Variants in NEDD4L observed in about 807,000 individuals in gnomAD.
The protein encoded by NEDD4L is NEDD4 like E3 ubiquitin protein ligase.
In NEDD4L, 54 loss-of-function variants were observed where a neutral mutation model predicts 148.9. The observed-to-expected ratio is 0.36, with a 90% CI of 0.29 to 0.45. NEDD4L has a LOEUF of 0.45. NEDD4L is among the 20% of genes least tolerant of loss of function. The pLI is 1.00. For synonymous variants in NEDD4L, 433 were observed against 440.7 expected, an observed-to-expected ratio of 0.98 and a Z score of 0.22; for missense variants, 856 against 1,233.8, an observed-to-expected ratio of 0.69 and a Z score of 4.59.
chr18:58,275,359 T>A (rs2051737479), intron 5 of NEDD4L, among the ~76,000 whole-genome samples: 2 of 152,306 alleles, frequency 1.3e-5, no homozygotes, highest in African/African-American at 4.8e-5. Flanking sequence ...TAGAAAATCC[T>A]TGTATAATAA....
intron 1 of NEDD4L, among the ~76,000 whole-genome samples, chr18:58,160,734 G>A (rs748637870): frequency 6.6e-6 from 1 of 152,172 alleles, no homozygotes; most frequent in Admixed American, 6.5e-5. Flanking sequence ...GAATGACGAT[G>A]GTTGCTTATC....
At chr18:58,285,155 A>G (rs1158572571) in intron 5 of NEDD4L, among the ~76,000 whole-genome samples, 1 of 152,092 alleles carries the variant, frequency 6.6e-6, no homozygotes, top group East Asian at 1.9e-4. Flanking sequence ...CAAATGAAGT[A>G]CTTCCCCTGC....
In NEDD4L at chr18:58,232,918, G is replaced by A. The variant is rs147451683; in HGVS notation, c.123-12509G>A. 4.0e-3 allele frequency among the ~76,000 whole-genome samples: 607 copies of A among 152,278 alleles called. 6 individuals carry two copies. Among genetic ancestry groups the A allele is most frequent in the African/African-American group, 0.014 (578 of 41,548 alleles). On this transcript the variant is annotated intron_variant, in intron 2 of 30. Coordinates refer to ENST00000400345, the MANE Select transcript of NEDD4L (RefSeq NM_001144967.3). Reference sequence around the variant, plus strand: ...GTGTTTTGGACTGCAGGCTGAACGTGGTTGGCAGGGTGGCATGAGGAGGGC... The same window carrying A: ...GTGTTTTGGACTGCAGGCTGAACGTAGTTGGCAGGGTGGCATGAGGAGGGC...
intron 1 of NEDD4L, among the ~76,000 whole-genome samples, chr18:58,163,996 G>A (rs1241092730): frequency 2.0e-5 from 3 of 150,936 alleles, no homozygotes; most frequent in Non-Finnish European, 4.4e-5. Flanking sequence ...ACTTTCTTGC[G>A]CCGTCAGCCA....
intron 1 of NEDD4L, among the ~76,000 whole-genome samples, chr18:58,066,069 T>G (rs1452926145): frequency 6.6e-6 from 1 of 152,238 alleles, no homozygotes; most frequent in African/African-American, 2.4e-5. Context: ...GAAGGAAACT[T>G]GGTAGATTAA....
chr18:58,266,900 C>T (rs1341177021), intron 5 of NEDD4L, among the ~76,000 whole-genome samples: 1 of 152,068 alleles, frequency 6.6e-6, no homozygotes, highest in African/African-American at 2.4e-5. Flanking sequence ...TCATTATTCT[C>T]TGCTTTTAAA....
Position 58,256,241 on chromosome 18 carries a change from G to A in NEDD4L, c.297+4187G>A, listed in dbSNP as rs12962319. On this transcript the variant is annotated intron_variant, in intron 5 of 30. Coordinates refer to ENST00000400345, the MANE Select transcript of NEDD4L (RefSeq NM_001144967.3). The surrounding 1 kb of genome is among the most constrained non-coding windows in gnomAD (Gnocchi z 5.2). ...CCAGCACCGCGCCTCCAGCGCCGAC[G>A]TGCGCCAGGTGAGGCTGCTGCCCCT... The A allele has an allele frequency of 4.9e-6, 6 of 1,229,590 alleles. No homozygotes were observed. Among genetic ancestry groups the A allele is most frequent in the African/African-American group, 1.6e-5 (1 of 64,314 alleles). The allele number at this position is 1,229,590 out of a possible 1,614,324, so 76.2% of individuals were successfully genotyped here.
At chr18:58,204,098 G>A (rs1178209903) in intron 2 of NEDD4L, among the ~76,000 whole-genome samples, 13 of 152,190 alleles carry the variant, frequency 8.5e-5, no homozygotes, top group East Asian at 1.9e-4. Flanking sequence ...AGGCCAAGGC[G>A]GGCAGATCAT....
At chr18:58,285,360 G>T (rs1405067862) in intron 5 of NEDD4L, among the ~76,000 whole-genome samples, 1 of 151,980 alleles carries the variant, frequency 6.6e-6, no homozygotes, top group Admixed American at 6.6e-5. Flanking sequence ...ATAGGGTCTT[G>T]CTCTGTCACC....
intron 1 of NEDD4L, among the ~76,000 whole-genome samples, chr18:58,154,821 G>A (rs903050271): frequency 1.3e-5 from 2 of 152,002 alleles, no homozygotes; most frequent in Non-Finnish European, 2.9e-5. Flanking sequence ...AAACAATCCA[G>A]TTATTCCTCA....
chr18:58,164,879 TC>T (rs2036655216), intron 1 of NEDD4L, among the ~76,000 whole-genome samples: 1 of 152,244 alleles, frequency 6.6e-6, no homozygotes, highest in Non-Finnish European at 1.5e-5. Flanking sequence ...CAGACGTTTC[TC>T]CCCATTTAGT....
chr18:58,234,077 CTTTCTTTCTTTCTTTCTTTCTTTCT>C (rs1161422000), intron 2 of NEDD4L, among the ~76,000 whole-genome samples: 14 of 92,408 alleles, frequency 1.5e-4, no homozygotes, highest in Middle Eastern at 4.6e-3. Flanking sequence ...TTCTTTCTTT[CTTTCTTTCTTTCTTTCTTTCTTTCT>C]TTTCTTTTCT....
intron 24 of NEDD4L, among the ~76,000 whole-genome samples, chr18:58,378,182 G>A (rs925382542): frequency 6.6e-6 from 1 of 152,184 alleles, no homozygotes; most frequent in Non-Finnish European, 1.5e-5. Context: ...ATTACCCAAA[G>A]GGAACAAGGA....
intron 1 of NEDD4L, among the ~76,000 whole-genome samples, chr18:58,072,872 GCA>G (rs766485355): frequency 0.082 from 10,775 of 131,448 alleles, 427 homozygotes; most frequent in East Asian, 0.11. Context: ...GCGCGCGCGC[GCA>G]CACACACACA....
At position 58,357,131 on chromosome 18, in the gene NEDD4L, C is replaced by G. The variant is rs1482357259; in HGVS notation, c.1709-63C>G. 4 of 1,437,046 alleles carry G rather than the reference C, an allele frequency of 2.8e-6. No homozygotes were observed. In the Admixed American group the frequency reaches 8.0e-5, roughly 29 times the overall value. 89.0% of individuals were successfully genotyped at this position (1,437,046 alleles called of 1,614,324 possible). ...CAGAAATACTTCCTTCCAAAACTTT[C>G]TTTACATAGAATAGATTTGAACTAA... On this transcript the variant is annotated intron_variant, in intron 18 of 30. Coordinates refer to ENST00000400345, the MANE Select transcript of NEDD4L (RefSeq NM_001144967.3).
Position 58,248,887 on chromosome 18 carries a change from T to C in NEDD4L, c.205-12T>C, listed in dbSNP as rs1600220352. On this transcript the variant is annotated splice_polypyrimidine_tract_variant and intron_variant, in intron 3 of 30. Transcript: ENST00000400345. ...AAGACTAAAAGATACTACAAGATAA[T>C]TTCTCTTCCAGACACTGAACCCAAA... 7.0e-7 allele frequency: 1 copy of C among 1,431,928 alleles called. No individual in the cohort carries two copies. The highest frequency in any genetic ancestry group is 9.6e-7 in the Non-Finnish European group (1 of 1,037,898). 88.7% of individuals were successfully genotyped at this position (1,431,928 alleles called of 1,614,324 possible). A position where few individuals can be genotyped will look rare whatever the true frequency, so the allele number is the denominator to read the frequency against.
At chr18:58,302,898 G>A (rs191230651) in intron 5 of NEDD4L, among the ~76,000 whole-genome samples, 2 of 152,342 alleles carry the variant, frequency 1.3e-5, no homozygotes, top group African/African-American at 4.8e-5. Context: ...TCGAGGTGAT[G>A]TACTTCTTGG....
intron 11 of NEDD4L, among the ~76,000 whole-genome samples, chr18:58,331,884 C>G (rs1210929647): frequency 6.6e-6 from 1 of 152,164 alleles, no homozygotes; most frequent in Non-Finnish European, 1.5e-5. Context: ...GTATACGCCT[C>G]TATTACATGA....
chr18:58,299,352 T>C (rs1381292328), intron 5 of NEDD4L, among the ~76,000 whole-genome samples: 1 of 152,236 alleles, frequency 6.6e-6, no homozygotes, highest in Non-Finnish European at 1.5e-5. Flanking sequence ...AACAAATGTA[T>C]TTTTGTCCCC....
Sources: allele counts gnomAD v4.1 joint callset (sites outside exome capture counted in the v4.1 genomes callset), GRCh38; gene constraint gnomAD v4.1.1; non-coding constraint Gnocchi (gnomAD v3.1); transcripts MANE v1.5; gene names NCBI Gene and HGNC (gene_info 2026-07-23, HGNC 2026-07-21).